The following CTNND2 variants were observed in gnomAD, a reference collection of about 807,000 sequenced individuals.
The protein encoded by CTNND2 is catenin delta-2.
A neutral mutation model predicts 144.4 loss-of-function variants in CTNND2; 22 were observed. The ratio of observed to expected loss-of-function variants is 0.15; its 90% CI spans 0.11 to 0.22. The LOEUF is 0.22. CTNND2 is among the 10% of genes least tolerant of loss of function. The pLI is 1.00. For missense variants in CTNND2, 1,353 were observed against 1,618.8 expected, an observed-to-expected ratio of 0.84 and a Z score of 2.82; for synonymous variants, 751 against 695.6, an observed-to-expected ratio of 1.08 and a Z score of -1.25.
intron 18 of CTNND2, among the ~76,000 whole-genome samples, chr5:11,013,174 A>G (rs372508300): frequency 2.0e-5 from 3 of 152,208 alleles, no homozygotes; most frequent in African/African-American, 7.2e-5. Context: ...AGGAATCCGT[A>G]AGATCTCCTT....
intron 3 of CTNND2, among the ~76,000 whole-genome samples, chr5:11,482,734 G>A (rs1205576544): frequency 1.3e-5 from 2 of 152,184 alleles, no homozygotes; most frequent in African/African-American, 4.8e-5. Flanking sequence ...TGAAGGAGGT[G>A]AGGGAGTGAG....
intron 9 of CTNND2, among the ~76,000 whole-genome samples, chr5:11,334,849 A>G (rs1287160795): frequency 6.6e-6 from 1 of 152,218 alleles, no homozygotes; most frequent in Non-Finnish European, 1.5e-5. Context: ...ATGGAATTTT[A>G]AACAATAAAC....
intron 9 of CTNND2, among the ~76,000 whole-genome samples, chr5:11,252,426 T>C (rs1743761979): frequency 6.6e-6 from 1 of 152,172 alleles, no homozygotes. Flanking sequence ...GATTCAATAA[T>C]CAGAGAGATT....
intron 1 of CTNND2, among the ~76,000 whole-genome samples, chr5:11,866,166 A>C (rs1199326312): frequency 6.6e-6 from 1 of 152,128 alleles, no homozygotes; most frequent in Non-Finnish European, 1.5e-5. Flanking sequence ...AGCCAGGTGC[A>C]GTGGCATATG....
chr5:11,635,671 T>C (rs1181954602), intron 2 of CTNND2, among the ~76,000 whole-genome samples: 1 of 152,210 alleles, frequency 6.6e-6, no homozygotes, highest in Non-Finnish European at 1.5e-5. Flanking sequence ...CTTCTATTTC[T>C]GTACTATAGT....
At chr5:11,256,727 T>G (rs1031105495) in intron 9 of CTNND2, among the ~76,000 whole-genome samples, 57 of 152,204 alleles carry the variant, frequency 3.7e-4, no homozygotes, top group Admixed American at 2.6e-4. Context: ...CAATGAGGCA[T>G]AGTGAATAAT....
intron 1 of CTNND2, among the ~76,000 whole-genome samples, chr5:11,822,193 T>C (rs61761579): frequency 2.1e-4 from 32 of 152,272 alleles, no homozygotes; most frequent in African/African-American, 6.5e-4. Context: ...AGAACAGGAA[T>C]GTGAGCAAAC....
intron 10 of CTNND2, among the ~76,000 whole-genome samples, chr5:11,222,985 G>A (rs1420894564): frequency 2.6e-5 from 4 of 152,130 alleles, no homozygotes; most frequent in Non-Finnish European, 5.9e-5. Context: ...GGAGGGAGAA[G>A]GAAGAGGTGT....
At chr5:11,315,553 T>C (rs1161247700) in intron 9 of CTNND2, among the ~76,000 whole-genome samples, 6 of 152,180 alleles carry the variant, frequency 3.9e-5, no homozygotes, top group Admixed American at 3.9e-4. Context: ...TATAAATATA[T>C]GTGGATAGAT....
At chr5:11,321,842 C>T (rs1368745297) in intron 9 of CTNND2, among the ~76,000 whole-genome samples, 1 of 152,124 alleles carries the variant, frequency 6.6e-6, no homozygotes, top group Admixed American at 6.5e-5. Flanking sequence ...TACTGTCCTC[C>T]CATGTCTGAT....
At chr5:11,697,779 AG>A (rs1350687692) in intron 2 of CTNND2, among the ~76,000 whole-genome samples, 6 of 152,226 alleles carry the variant, frequency 3.9e-5, no homozygotes, top group Non-Finnish European at 8.8e-5. Context: ...TGGGGTACAA[AG>A]TGACAGTCAC....
intron 18 of CTNND2, among the ~76,000 whole-genome samples, chr5:11,002,549 C>T (rs1298741823): frequency 6.6e-6 from 1 of 152,174 alleles, no homozygotes; most frequent in Non-Finnish European, 1.5e-5. Context: ...ATTTCAAGGG[C>T]TGCTCAAATG....
intron 9 of CTNND2, among the ~76,000 whole-genome samples, chr5:11,272,735 T>C (rs1023678611): frequency 6.6e-6 from 1 of 152,152 alleles, no homozygotes; most frequent in Admixed American, 6.5e-5. Flanking sequence ...TTGCACTACT[T>C]AGACTCAAGG....
intron 9 of CTNND2, among the ~76,000 whole-genome samples, chr5:11,244,106 G>T (rs1742734408): frequency 6.6e-6 from 1 of 152,010 alleles, no homozygotes; most frequent in African/African-American, 2.4e-5. Context: ...AGTTAGGAAG[G>T]GTGCAGGGGT....
At chr5:11,617,779 C>T (rs959923404) in intron 2 of CTNND2, among the ~76,000 whole-genome samples, 1 of 152,114 alleles carries the variant, frequency 6.6e-6, no homozygotes, top group Non-Finnish European at 1.5e-5. Flanking sequence ...TTCTCAGAGC[C>T]ACTTATATGT....
intron 16 of CTNND2, among the ~76,000 whole-genome samples, chr5:11,046,946 A>G (rs1745326150): frequency 6.6e-6 from 1 of 152,242 alleles, no homozygotes; most frequent in African/African-American, 2.4e-5. Context: ...ATTTCTCTAG[A>G]AAGTCCTTGA....
At chr5:11,501,797 G>T (rs249244) in intron 3 of CTNND2, among the ~76,000 whole-genome samples, 1 of 151,650 alleles carries the variant, frequency 6.6e-6, no homozygotes, top group Non-Finnish European at 1.5e-5. Context: ...TCACAAGGTC[G>T]GGAGATTGAG....
At chr5:11,580,377 T>C (rs1778329870) in intron 2 of CTNND2, among the ~76,000 whole-genome samples, 2 of 152,244 alleles carry the variant, frequency 1.3e-5, no homozygotes, top group South Asian at 4.1e-4. Context: ...AATCTAACTT[T>C]CTTATTATTT....
intron 9 of CTNND2, among the ~76,000 whole-genome samples, chr5:11,239,943 C>G (rs1742040664): frequency 6.6e-6 from 1 of 152,186 alleles, no homozygotes; most frequent in East Asian, 1.9e-4. Flanking sequence ...TCTTTGTCAG[C>G]TGGCTCCTAC....
Sources: allele counts gnomAD v4.1 joint callset (sites outside exome capture counted in the v4.1 genomes callset), GRCh38; gene constraint gnomAD v4.1.1; transcripts MANE v1.5; gene names NCBI Gene and HGNC (gene_info 2026-07-23, HGNC 2026-07-21).